The following FSTL5 variants were observed in gnomAD, a reference collection of about 807,000 sequenced individuals.
FSTL5 encodes the protein follistatin-related protein 5.
In FSTL5, 62 loss-of-function variants were observed where a neutral mutation model predicts 89.1. That is an observed-to-expected ratio of 0.70 (90% CI 0.57 to 0.86). The LOEUF is 0.86. Ranked by LOEUF, FSTL5 falls within the 40% of genes least tolerant of loss-of-function variation. FSTL5 has a pLI of 0.00. For synonymous variants in FSTL5, 383 were observed against 346.2 expected (o/e 1.11, Z -1.18); for missense variants, 1,057 against 1,001.6 (o/e 1.06, Z -0.75).
chr4:161,801,255 G>T lies in FSTL5; in HGVS notation c.410-25181C>A, dbSNP rs559306791. On this transcript the variant is annotated intron_variant, in intron 4 of 15. Coordinates refer to ENST00000306100, the MANE Select transcript of FSTL5 (RefSeq NM_020116.5). ...GTACAAAACTGCATATTTCCTATATGAACTATATTATTTCTTCTCTTTAAT... is the reference window on the plus strand; with the variant it reads ...GTACAAAACTGCATATTTCCTATATTAACTATATTATTTCTTCTCTTTAAT... Among the ~76,000 whole-genome samples the T allele has an allele frequency of 5.3e-5, 8 of 151,626 alleles. No homozygotes were observed. The South Asian group carries it at 1.7e-3, about 31-fold the overall frequency.
At chr4:161,845,612 A>G (rs1013929385) in intron 4 of FSTL5, among the ~76,000 whole-genome samples, 2 of 152,326 alleles carry the variant, frequency 1.3e-5, no homozygotes, top group Non-Finnish European at 1.5e-5. Context: ...AAAGAAGCTC[A>G]AGACATGTTT....
In FSTL5 at chr4:161,454,933, C is replaced by T. The variant is rs939213939; in HGVS notation, c.1841+71G>A. 24 of 1,431,930 alleles carry T rather than the reference C, an allele frequency of 1.7e-5. No individual in the cohort carries two copies. In the East Asian group the frequency reaches 1.9e-4, roughly 11 times the overall value. The allele number at this position is 1,431,930 out of a possible 1,614,324, so 88.7% of individuals were successfully genotyped here. A position where few individuals can be genotyped will look rare whatever the true frequency, so the allele number is the denominator to read the frequency against. On this transcript the variant is annotated intron_variant, in intron 15 of 15. Transcript: ENST00000306100. ...TTTGTTTCATATCTAAGTTTCTTTA[C>T]GATTTCACATGGCTTTCTATTATAA...
At chr4:161,786,608 G>T (rs959382112) in intron 4 of FSTL5, among the ~76,000 whole-genome samples, 2 of 152,044 alleles carry the variant, frequency 1.3e-5, no homozygotes, top group African/African-American at 2.4e-5. Flanking sequence ...ATGAATCTTT[G>T]TCCCTCCAGA....
chr4:161,470,300 T>G (rs1221585118), intron 13 of FSTL5, among the ~76,000 whole-genome samples: 4 of 152,146 alleles, frequency 2.6e-5, no homozygotes, highest in African/African-American at 9.7e-5. Context: ...TCCAACTTCA[T>G]TCTTTTGCAT....
intron 4 of FSTL5, among the ~76,000 whole-genome samples, chr4:161,848,715 G>A (rs532115648): frequency 1.3e-5 from 2 of 152,016 alleles, no homozygotes; most frequent in Non-Finnish European, 2.9e-5. Context: ...CCATATCGTC[G>A]TCATTTGGGG....
intron 4 of FSTL5, among the ~76,000 whole-genome samples, chr4:161,903,908 A>G (rs1049411673): frequency 4.6e-5 from 7 of 151,996 alleles, no homozygotes; most frequent in Non-Finnish European, 7.4e-5. Context: ...CCTTGTTTCA[A>G]TTGTATAACT....
chr4:161,588,121 T>A (rs999685926), intron 7 of FSTL5, among the ~76,000 whole-genome samples: 1 of 152,116 alleles, frequency 6.6e-6, no homozygotes, highest in Non-Finnish European at 1.5e-5. Context: ...TTGCAGTGAC[T>A]TGAGAACGTG....
At chr4:161,906,938 C>CGGAGGTT (rs1293851739) in intron 4 of FSTL5, among the ~76,000 whole-genome samples, 1 of 151,986 alleles carries the variant, frequency 6.6e-6, no homozygotes, top group African/African-American at 2.4e-5. Flanking sequence ...CAAATTTATA[C>CGGAGGTT]GGAGGTTGGT....
chr4:161,627,266 C>T (rs1735345445), intron 7 of FSTL5, among the ~76,000 whole-genome samples: 1 of 152,190 alleles, frequency 6.6e-6, no homozygotes, highest in South Asian at 2.1e-4. Flanking sequence ...GCTCAGTCAG[C>T]AGCCATCAAC....
chr4:161,759,554 T>A, intron 5 of FSTL5, 23 bp from the exon 6 acceptor site: 1 of 1,421,198 alleles, frequency 7.0e-7, no homozygotes, highest in Non-Finnish European at 9.5e-7. Flanking sequence ...TTATAAACCA[T>A]ACCTTTAGAT....
intron 3 of FSTL5, chr4:162,023,018 A>C (rs76371606): frequency 0.065 from 9,898 of 152,210 alleles, 427 homozygotes; most frequent in East Asian, 0.19. Flanking sequence ...TAAAAGCCCC[A>C]ACTTGACCAC....
At chr4:161,480,439 A>G (rs1453220926) in intron 13 of FSTL5, among the ~76,000 whole-genome samples, 1 of 152,208 alleles carries the variant, frequency 6.6e-6, no homozygotes, top group African/African-American at 2.4e-5. Flanking sequence ...GGTAAAGAGC[A>G]TGGGCTGCAG....
At chr4:161,431,298 A>G (rs1467061890) in intron 15 of FSTL5, among the ~76,000 whole-genome samples, 1 of 152,126 alleles carries the variant, frequency 6.6e-6, no homozygotes, top group African/African-American at 2.4e-5. Context: ...AAAGTTTTTT[A>G]AAAAAGGAAA....
chr4:161,957,774 A>G (rs1194161562), intron 3 of FSTL5, among the ~76,000 whole-genome samples: 1 of 152,138 alleles, frequency 6.6e-6, no homozygotes, highest in Non-Finnish European at 1.5e-5. Context: ...AAAGTATACA[A>G]TTTAAAGCTT....
At chr4:161,639,879 C>A (rs957761528) in intron 7 of FSTL5, among the ~76,000 whole-genome samples, 1 of 152,168 alleles carries the variant, frequency 6.6e-6, no homozygotes, top group Non-Finnish European at 1.5e-5. Context: ...ACTGTTCCCT[C>A]CATGTTGCAA....
chr4:161,947,284 T>C (rs899914454), intron 3 of FSTL5, among the ~76,000 whole-genome samples: 2 of 151,260 alleles, frequency 1.3e-5, no homozygotes, highest in African/African-American at 4.9e-5. Flanking sequence ...TTATTGATGT[T>C]GCTTTTTGTG....
At chr4:161,770,986 C>T (rs1014197988) in intron 5 of FSTL5, among the ~76,000 whole-genome samples, 4 of 151,762 alleles carry the variant, frequency 2.6e-5, no homozygotes, top group Admixed American at 6.6e-5. Context: ...ATGAACAAAA[C>T]GAATATTGTG....
intron 6 of FSTL5, among the ~76,000 whole-genome samples, chr4:161,697,939 G>C (rs571684928): frequency 1.5e-5 from 1 of 67,792 alleles, no homozygotes; most frequent in African/African-American, 3.0e-5. Flanking sequence ...ATATGGGAAG[G>C]TGTGTGTGTG....
At chr4:161,392,448 C>A (rs1471203257) in intron 15 of FSTL5, among the ~76,000 whole-genome samples, 1 of 152,154 alleles carries the variant, frequency 6.6e-6, no homozygotes, top group Admixed American at 6.5e-5. Context: ...TAGCCTTGAA[C>A]TCCTGGATTC....
Sources: allele counts gnomAD v4.1 joint callset (sites outside exome capture counted in the v4.1 genomes callset), GRCh38; gene constraint gnomAD v4.1.1; transcripts MANE v1.5; gene names NCBI Gene and HGNC (gene_info 2026-07-23, HGNC 2026-07-21).